Variants in RALYL observed in about 807,000 individuals in gnomAD.
The protein encoded by RALYL is RNA-binding Raly-like protein.
RALYL carries 29 observed loss-of-function variants against 35.1 expected under a neutral mutation model. That is an observed-to-expected ratio of 0.83 (90% CI 0.61 to 1.13). The LOEUF (loss-of-function observed/expected upper bound fraction) is 1.13. RALYL is among the 50% of genes most tolerant of loss of function. The pLI is 0.00. For missense variants in RALYL, 359 were observed against 360.4 expected (o/e 1.00, Z 0.03); for synonymous variants, 120 against 127.6 (o/e 0.94, Z 0.40).
chr8:84,312,148 G>T (rs1160968238), intron 1 of RALYL, among the ~76,000 whole-genome samples: 5 of 152,142 alleles, frequency 3.3e-5, no homozygotes, highest in Non-Finnish European at 7.3e-5. Context: ...CAGGGGAAAT[G>T]CCTGACATGT....
intron 1 of RALYL, among the ~76,000 whole-genome samples, chr8:84,424,311 T>C (rs374155320): frequency 8.0e-6 from 1 of 124,618 alleles, no homozygotes; most frequent in Non-Finnish European, 1.7e-5. Context: ...CATCTTCCAT[T>C]GCTGATACCC....
intron 2 of RALYL, among the ~76,000 whole-genome samples, chr8:84,736,779 C>G (rs2132973573): frequency 6.6e-6 from 1 of 152,070 alleles, no homozygotes; most frequent in Non-Finnish European, 1.5e-5. Flanking sequence ...CTATGCCTAC[C>G]TAGAGGTCTT....
chr8:84,392,110 T>G (rs1860835694), intron 1 of RALYL, among the ~76,000 whole-genome samples: 2 of 152,066 alleles, frequency 1.3e-5, no homozygotes, highest in African/African-American at 4.8e-5. Context: ...TAACTTTACA[T>G]ATGAAATCCT....
At chr8:84,573,237 G>T (rs1045126030) in intron 2 of RALYL, among the ~76,000 whole-genome samples, 1 of 150,870 alleles carries the variant, frequency 6.6e-6, no homozygotes, top group Non-Finnish European at 1.5e-5. Context: ...TCCTTCTAGG[G>T]TTCTTTTCTT....
At chr8:84,905,485 A>T (rs1460585028) in intron 8 of RALYL, among the ~76,000 whole-genome samples, 1 of 152,076 alleles carries the variant, frequency 6.6e-6, no homozygotes, top group African/African-American at 2.4e-5. Context: ...TTATTTGGGG[A>T]GAGGGGGACC....
chr8:84,566,460 A>G (rs149412040), intron 2 of RALYL, among the ~76,000 whole-genome samples: 1 of 151,628 alleles, frequency 6.6e-6, no homozygotes, highest in East Asian at 1.9e-4. Flanking sequence ...TTCTCTGTGC[A>G]TACTAGAGCC....
intron 2 of RALYL, among the ~76,000 whole-genome samples, chr8:84,734,450 T>C (rs1005930124): frequency 8.5e-5 from 13 of 152,200 alleles, no homozygotes; most frequent in Admixed American, 3.9e-4. Flanking sequence ...TATTTCTTCA[T>C]TGTTAACATT....
At chr8:84,464,271 C>T (rs1358029277) in intron 1 of RALYL, among the ~76,000 whole-genome samples, 3 of 151,944 alleles carry the variant, frequency 2.0e-5, no homozygotes, top group Admixed American at 6.6e-5. Flanking sequence ...AGGTATATCT[C>T]CCAATGCTAT....
chr8:84,266,947 G>A (rs1833450182), intron 1 of RALYL, among the ~76,000 whole-genome samples: 1 of 133,896 alleles, frequency 7.5e-6, no homozygotes, highest in South Asian at 2.4e-4. Flanking sequence ...GCGACAGAGC[G>A]AGACTCCGTC....
intron 2 of RALYL, among the ~76,000 whole-genome samples, chr8:84,681,141 G>A (rs1306193466): frequency 6.6e-6 from 1 of 152,164 alleles, no homozygotes; most frequent in Non-Finnish European, 1.5e-5. Flanking sequence ...TGTCAGGTTT[G>A]TCAAAGATCA....
chr8:84,728,660 A>G (rs1185812337), intron 2 of RALYL, among the ~76,000 whole-genome samples: 1 of 152,128 alleles, frequency 6.6e-6, no homozygotes, highest in African/African-American at 2.4e-5. Flanking sequence ...TATAAGGTGT[A>G]AGGAAGGGAT....
intron 2 of RALYL, among the ~76,000 whole-genome samples, chr8:84,669,395 C>T (rs569576013): frequency 2.3e-4 from 35 of 151,068 alleles, no homozygotes; most frequent in African/African-American, 7.3e-4. Flanking sequence ...AGGGGGTACC[C>T]GTGCAGGTTT....
At chr8:84,767,990 G>A (rs1001895601) in intron 2 of RALYL, among the ~76,000 whole-genome samples, 1 of 152,160 alleles carries the variant, frequency 6.6e-6, no homozygotes, top group Non-Finnish European at 1.5e-5. Context: ...TCTGAACGTT[G>A]ATATTTTGTA....
chr8:84,616,612 C>G (rs865783178), intron 2 of RALYL, among the ~76,000 whole-genome samples: 1 of 150,966 alleles, frequency 6.6e-6, no homozygotes, highest in Non-Finnish European at 1.5e-5. Flanking sequence ...TCCCATTTGT[C>G]AATTTTGGCT....
chr8:84,507,520 A>T (rs2057276197), intron 1 of RALYL, among the ~76,000 whole-genome samples: 1 of 152,274 alleles, frequency 6.6e-6, no homozygotes, highest in Admixed American at 6.5e-5. Context: ...GAGGAAATAA[A>T]AAGGTCTACC....
intron 2 of RALYL, among the ~76,000 whole-genome samples, chr8:84,578,824 G>A (rs915242050): frequency 6.6e-6 from 1 of 152,196 alleles, no homozygotes; most frequent in Non-Finnish European, 1.5e-5. Flanking sequence ...AGTCTGGCTG[G>A]GTCTGGGGGT....
intron 1 of RALYL, among the ~76,000 whole-genome samples, chr8:84,511,135 C>T (rs777803552): frequency 6.6e-6 from 1 of 152,234 alleles, no homozygotes; most frequent in African/African-American, 2.4e-5. Context: ...TCCATGAATT[C>T]AACAACTTAT....
At chr8:84,643,801 G>T (rs1489939411) in intron 2 of RALYL, among the ~76,000 whole-genome samples, 1 of 152,044 alleles carries the variant, frequency 6.6e-6, no homozygotes, top group Admixed American at 6.6e-5. Context: ...AGGGATAGGG[G>T]TTTAAAAAGA....
intron 2 of RALYL, among the ~76,000 whole-genome samples, chr8:84,625,245 G>A (rs1274126773): frequency 6.6e-6 from 1 of 152,112 alleles, no homozygotes; most frequent in Non-Finnish European, 1.5e-5. Context: ...TTGGGATGAT[G>A]GGCACAAATG....
Sources: gnomAD v4.1 joint callset for allele counts (sites outside exome capture counted in the v4.1 genomes callset) on GRCh38, gnomAD v4.1.1 for gene constraint, MANE v1.5 for transcripts, NCBI Gene and HGNC (gene_info 2026-07-23, HGNC 2026-07-21) for gene names.